The following NPRL3 variants were observed in gnomAD, a reference collection of about 807,000 sequenced individuals.
NPRL3 encodes GATOR1 complex protein NPRL3.
NPRL3 carries 23 observed loss-of-function variants against 57.2 expected under a neutral mutation model. The ratio of observed to expected loss-of-function variants is 0.40; its 90% CI spans 0.29 to 0.57. The LOEUF is 0.57. Among genes scored for constraint, NPRL3 ranks in the 20% least tolerant of loss-of-function variants. NPRL3 has a pLI of 0.42. For missense variants in NPRL3, 691 were observed against 767.1 expected (o/e 0.90, Z 1.17); for synonymous variants, 333 against 321.1 (o/e 1.04, Z -0.39).
intron 3 of NPRL3, among the ~76,000 whole-genome samples, chr16:129,687 C>T (rs973989460): frequency 3.3e-5 from 5 of 152,198 alleles, no homozygotes; most frequent in African/African-American, 1.2e-4. Context: ...AAAAGACTTG[C>T]AAATTGCCAT....
At chr16:88,532 C>T (rs942176735) in intron 13 of NPRL3, among the ~76,000 whole-genome samples, 166 bp downstream of exon 13, 12 of 152,202 alleles carry the variant, frequency 7.9e-5, no homozygotes, top group Non-Finnish European at 1.0e-4. Context: ...ACCCTCAGGC[C>T]TGGGCAGTGG....
At chr16:95,659 A>C (rs1313211291) in intron 9 of NPRL3, among the ~76,000 whole-genome samples, 1 of 152,092 alleles carries the variant, frequency 6.6e-6, no homozygotes, top group African/African-American at 2.4e-5. Flanking sequence ...AGCCTCGAAC[A>C]CCAGGGCTCA....
chr16:95,039 C>T (rs955153440), intron 9 of NPRL3, among the ~76,000 whole-genome samples: 33 of 152,172 alleles, frequency 2.2e-4, no homozygotes, highest in Admixed American at 4.6e-4. Context: ...CTTGCGGTCA[C>T]GTCACTCCAC....
chr16:136,464 C>A (rs1425401640), intron 2 of NPRL3, among the ~76,000 whole-genome samples: 1 of 151,648 alleles, frequency 6.6e-6, no homozygotes, highest in South Asian at 2.1e-4. Flanking sequence ...CCAAGGCGGG[C>A]GGATCACAAG....
chr16:116,236 T>A (rs1277386571), intron 5 of NPRL3, among the ~76,000 whole-genome samples: 1 of 152,218 alleles, frequency 6.6e-6, no homozygotes, highest in Non-Finnish European at 1.5e-5. Context: ...GTGGCTGCGT[T>A]TCATCAACTG....
rs184064503 is a variant in NPRL3 at position 136,304 on chromosome 16, C to T, written c.118+1846G>A. On this transcript the variant is annotated intron_variant, in intron 2 of 13. Transcript: ENST00000611875. ...GAAGGACAAGGGTGCTCGACAGGTT[C>T]TGATCTACATCAAAGATGCAGACAT... Among the ~76,000 whole-genome samples, 7 of 152,364 alleles carry T rather than the reference C, an allele frequency of 4.6e-5. No individual in the cohort carries two copies. The East Asian group carries it at 1.3e-3, about 29-fold the overall frequency.
intron 5 of NPRL3, 88 bp from the exon 6 acceptor site, chr16:112,863 G>C: frequency 2.4e-6 from 3 of 1,269,484 alleles, no homozygotes; most frequent in Non-Finnish European, 2.1e-6. Flanking sequence ...CAGGTACACA[G>C]CAAAAACTCA....
intron 2 of NPRL3, among the ~76,000 whole-genome samples, chr16:136,537 A>T (rs1179298998): frequency 2.0e-5 from 3 of 151,732 alleles, no homozygotes; most frequent in Non-Finnish European, 4.4e-5. Context: ...AAAATAAAAA[A>T]AAAAATTAGC....
intron 9 of NPRL3, among the ~76,000 whole-genome samples, chr16:95,350 T>TATATACATACACACACACACACACACAC (rs1223611120): frequency 1.2e-4 from 13 of 110,984 alleles, no homozygotes; most frequent in African/African-American, 4.4e-4. Context: ...TATATATATA[T>TATATACATACACACACACACACACACAC]ACACACACAC....
At chr16:130,652 G>T in intron 2 of NPRL3, 61 bp from the exon 3 acceptor site, 1 of 1,494,962 alleles carries the variant, frequency 6.7e-7, no homozygotes, top group Non-Finnish European at 9.1e-7. Context: ...CACACAGGAG[G>T]GTTATGGAAC....
At chr16:123,863 G>A (rs1239908784) in intron 3 of NPRL3, among the ~76,000 whole-genome samples, 2 of 128,908 alleles carry the variant, frequency 1.6e-5, no homozygotes, top group Non-Finnish European at 1.6e-5. Context: ...TGAGAAAGAG[G>A]GTCACACACT....
At chr16:88,330 G>A (rs1040417151) in intron 13 of NPRL3, among the ~76,000 whole-genome samples, 7 of 149,696 alleles carry the variant, frequency 4.7e-5, no homozygotes, top group Non-Finnish European at 8.8e-5. Context: ...GCAGTGAGCC[G>A]AGATTGCGCC....
chr16:128,762 C>T (rs1900658265), intron 3 of NPRL3, among the ~76,000 whole-genome samples: 1 of 151,230 alleles, frequency 6.6e-6, no homozygotes, highest in Non-Finnish European at 1.5e-5. Context: ...AGCGAGACTC[C>T]GTCTCAAAAA....
chr16:137,845 A>G (rs909618612), intron 2 of NPRL3, among the ~76,000 whole-genome samples: 1 of 151,968 alleles, frequency 6.6e-6, no homozygotes, highest in Non-Finnish European at 1.5e-5. Context: ...GATTACCGCC[A>G]CCGGCCTTGT....
intron 7 of NPRL3, among the ~76,000 whole-genome samples, chr16:109,141 A>T (rs1473021997): frequency 6.6e-6 from 1 of 151,736 alleles, no homozygotes; most frequent in Non-Finnish European, 1.5e-5. Context: ...TATTTTTTAA[A>T]AATTTTTTGT....
intron 6 of NPRL3, among the ~76,000 whole-genome samples, chr16:112,312 C>T (rs1046047820): frequency 2.0e-5 from 3 of 152,190 alleles, no homozygotes; most frequent in Non-Finnish European, 2.9e-5. Context: ...TCTTCCTGTG[C>T]CCCCCAGGCA....
At chr16:93,564 GTTTTTTTTTTT>G (rs34541011) in intron 9 of NPRL3, among the ~76,000 whole-genome samples, 1 of 135,460 alleles carries the variant, frequency 7.4e-6, no homozygotes, top group African/African-American at 2.8e-5. Flanking sequence ...GTGAGCAATG[GTTTTTTTTTTT>G]TTTTTTTTGG....
chr16:98,367 G>C lies in NPRL3; in HGVS notation c.768-66C>G, dbSNP rs1899115330. The C allele has an allele frequency of 1.9e-6, 3 of 1,542,190 alleles. No homozygotes were observed. The African/African-American group carries it at 4.5e-5, about 23-fold the overall frequency. ...GAACCCTGCACCGGGTATGCACCAG[G>C]TCCTGCACCAGGTATGCACCGGGTA... On this transcript the variant is annotated intron_variant, in intron 8 of 13. Transcript: ENST00000611875.
chr16:101,054 A>G (rs928120988), intron 7 of NPRL3, among the ~76,000 whole-genome samples: 3 of 151,622 alleles, frequency 2.0e-5, no homozygotes, highest in African/African-American at 2.4e-5. Context: ...CTGTAGTCCA[A>G]CCAGACTGCC....
Sources: gnomAD v4.1 joint callset for allele counts (sites outside exome capture counted in the v4.1 genomes callset) on GRCh38, gnomAD v4.1.1 for gene constraint, MANE v1.5 for transcripts, NCBI Gene and HGNC (gene_info 2026-07-23, HGNC 2026-07-21) for gene names.